FBXL17: variants seen among roughly 807,000 people sequenced by gnomAD.
FBXL17 encodes F-box and leucine rich repeat protein 17, also known as F-box/LRR-repeat protein 17.
Under a neutral mutation model 66.2 loss-of-function variants are expected in FBXL17, and 22 were observed. The ratio of observed to expected loss-of-function variants is 0.33; its 90% confidence interval spans 0.24 to 0.47. The LOEUF (loss-of-function observed/expected upper bound fraction) is 0.47. Ranked by LOEUF, FBXL17 falls within the 20% of genes least tolerant of loss-of-function variation. The pLI is 1.00. For synonymous variants in FBXL17, 474 were observed against 400.5 expected (o/e 1.18, Z -2.19); for missense variants, 878 against 948.2 (o/e 0.93, Z 0.97).
At chr5:108,066,731 C>T (rs1029613459) in intron 6 of FBXL17, among the ~76,000 whole-genome samples, 1 of 151,838 alleles carries the variant, frequency 6.6e-6, no homozygotes, top group Non-Finnish European at 1.5e-5. Context: ...CATATTTTCA[C>T]AAGTTTTTAA....
chr5:108,097,168 CTGTG>C (rs35679034), intron 6 of FBXL17, among the ~76,000 whole-genome samples: 5,365 of 152,172 alleles, frequency 0.035, 290 homozygotes, highest in African/African-American at 0.12. Context: ...GCAGTTTCAC[CTGTG>C]TGTTCACACT....
At chr5:107,910,875 C>G (rs1315688008) in intron 7 of FBXL17, among the ~76,000 whole-genome samples, 1 of 151,860 alleles carries the variant, frequency 6.6e-6, no homozygotes, top group Non-Finnish European at 1.5e-5. Flanking sequence ...AAGTATAAAA[C>G]TTTATTAAAG....
chr5:108,101,525 T>A (rs537679344), intron 6 of FBXL17, among the ~76,000 whole-genome samples: 36 of 152,358 alleles, frequency 2.4e-4, no homozygotes, highest in African/African-American at 5.3e-4. Flanking sequence ...ACTGGCAATG[T>A]CTATTAATGT....
intron 6 of FBXL17, among the ~76,000 whole-genome samples, chr5:108,058,204 C>G (rs1747784408): frequency 6.6e-6 from 1 of 152,176 alleles, no homozygotes; most frequent in Admixed American, 6.5e-5. Context: ...TTGACCATCT[C>G]TGTTTTACAA....
intron 4 of FBXL17, among the ~76,000 whole-genome samples, chr5:108,327,015 G>C (rs1759888971): frequency 6.6e-6 from 1 of 152,088 alleles, no homozygotes; most frequent in African/African-American, 2.4e-5. Flanking sequence ...TTCAAAGACT[G>C]GTTCATGTAT....
chr5:108,284,660 A>C lies in FBXL17; in HGVS notation c.1507-60432T>G, dbSNP rs559040900. 5.3e-5 allele frequency among the ~76,000 whole-genome samples: 8 copies of C among 151,994 alleles called. No individual in the cohort carries two copies. The South Asian group carries it at 8.3e-4, about 16-fold the overall frequency. On this transcript the variant is annotated intron_variant, in intron 4 of 8. Coordinates refer to ENST00000542267, the MANE Select transcript of FBXL17 (RefSeq NM_001163315.3). ...CCCTGACTTTACTACTGTCCAACCT[A>C]TGCGTGTAACAAAATTGCACATGTA...
At chr5:108,225,674 T>C (rs1185974155) in intron 4 of FBXL17, among the ~76,000 whole-genome samples, 1 of 152,172 alleles carries the variant, frequency 6.6e-6, no homozygotes, top group Non-Finnish European at 1.5e-5. Flanking sequence ...TGTGACACCA[T>C]AAATTTCTAT....
chr5:108,029,996 T>C (rs1228302847), intron 6 of FBXL17, among the ~76,000 whole-genome samples: 2 of 152,130 alleles, frequency 1.3e-5, no homozygotes, highest in Non-Finnish European at 2.9e-5. Context: ...TGTTTAATAA[T>C]GCAAAAACTT....
At chr5:107,926,806 TA>T (rs1208754254) in intron 7 of FBXL17, among the ~76,000 whole-genome samples, 1 of 152,166 alleles carries the variant, frequency 6.6e-6, no homozygotes, top group Non-Finnish European at 1.5e-5. Context: ...TTTCAGTTAC[TA>T]ATGCACATTT....
intron 6 of FBXL17, among the ~76,000 whole-genome samples, chr5:108,161,169 C>G (rs796294265): frequency 2.7e-5 from 4 of 150,036 alleles, no homozygotes; most frequent in Non-Finnish European, 4.4e-5. Flanking sequence ...TAGATACATA[C>G]ATACATACAT....
intron 7 of FBXL17, among the ~76,000 whole-genome samples, chr5:107,950,339 T>A (rs988215270): frequency 6.6e-6 from 1 of 152,206 alleles, no homozygotes; most frequent in Non-Finnish European, 1.5e-5. Flanking sequence ...TATATAGTAA[T>A]CTTTACAAAT....
intron 3 of FBXL17, among the ~76,000 whole-genome samples, chr5:108,349,061 C>A (rs2112479403): frequency 6.6e-6 from 1 of 152,302 alleles, no homozygotes; most frequent in Non-Finnish European, 1.5e-5. Context: ...CCACCTCAGC[C>A]TCCCAAAGTC....
chr5:107,922,583 T>G (rs1750361223), intron 7 of FBXL17, among the ~76,000 whole-genome samples: 1 of 152,208 alleles, frequency 6.6e-6, no homozygotes, highest in Non-Finnish European at 1.5e-5. Context: ...AGATTGACGC[T>G]GTCTTTGTTT....
At chr5:108,079,878 C>G (rs1748698102) in intron 6 of FBXL17, among the ~76,000 whole-genome samples, 1 of 152,186 alleles carries the variant, frequency 6.6e-6, no homozygotes, top group Non-Finnish European at 1.5e-5. Flanking sequence ...TTGAAATGCA[C>G]TGTGTGATTA....
chr5:108,343,174 G>A (rs1470206646), intron 4 of FBXL17, among the ~76,000 whole-genome samples: 1 of 152,154 alleles, frequency 6.6e-6, no homozygotes, highest in Non-Finnish European at 1.5e-5. Flanking sequence ...ACACATGTCT[G>A]TTGTTTGTAA....
intron 6 of FBXL17, among the ~76,000 whole-genome samples, chr5:108,156,433 TGG>T (rs1450319736): frequency 6.6e-6 from 1 of 152,020 alleles, no homozygotes; most frequent in Non-Finnish European, 1.5e-5. Context: ...TACAGTAATA[TGG>T]GTTGTAACTA....
chr5:108,235,331 A>G lies in FBXL17; in HGVS notation c.1507-11103T>C, dbSNP rs552754043. Among the ~76,000 whole-genome samples, 13 of 152,328 alleles carry G rather than the reference A, an allele frequency of 8.5e-5. No homozygotes were observed. In the South Asian group the frequency reaches 1.7e-3, roughly 19 times the overall value. On this transcript the variant is annotated intron_variant, in intron 4 of 8. Coordinates refer to ENST00000542267, the MANE Select transcript of FBXL17 (RefSeq NM_001163315.3). ...AATGATTCTTATGGAATCGATCCAG[A>G]AAGTCTCATGACTAAATCTCGTAAC...
At chr5:108,030,955 A>G in intron 6 of FBXL17, among the ~76,000 whole-genome samples, 1 of 152,056 alleles carries the variant, frequency 6.6e-6, no homozygotes, top group Non-Finnish European at 1.5e-5. Context: ...TTTTTTGGAG[A>G]TCTTTTATTG....
chr5:108,098,589 C>CA (rs1309017864), intron 6 of FBXL17, among the ~76,000 whole-genome samples: 6 of 151,518 alleles, frequency 4.0e-5, no homozygotes, highest in Admixed American at 3.3e-4. Context: ...ACTAAAAATA[C>CA]AAAAAATTAG....
Sources: allele counts gnomAD v4.1 joint callset (sites outside exome capture counted in the v4.1 genomes callset), GRCh38; gene constraint gnomAD v4.1.1; transcripts MANE v1.5; gene names NCBI Gene and HGNC (gene_info 2026-07-23, HGNC 2026-07-21).